Variants in RIMS1 observed in about 807,000 individuals in gnomAD.
RIMS1 encodes the protein regulating synaptic membrane exocytosis 1.
In RIMS1, 83 loss-of-function variants were observed where a neutral mutation model predicts 214.1. The observed-to-expected ratio is 0.39, with a 90% confidence interval of 0.32 to 0.47. RIMS1 has a LOEUF of 0.47. RIMS1 is among the 20% of genes least tolerant of loss of function. The pLI is 0.99. For synonymous variants in RIMS1, 793 were observed against 786.8 expected (o/e 1.01, Z -0.13); for missense variants, 2,050 against 2,161.8 (o/e 0.95, Z 1.03).
chr6:72,382,751 T>C (rs1210653881), intron 29 of RIMS1, among the ~76,000 whole-genome samples: 1 of 152,190 alleles, frequency 6.6e-6, no homozygotes, highest in East Asian at 1.9e-4. Context: ...ACCATACTCT[T>C]TCTCTTCAGG....
At position 72,162,077 on chromosome 6, in the gene RIMS1, T is replaced by G. The variant is rs1362269786; in HGVS notation, c.472-17498T>G. ...CTTATGAATCTGGGTGCTCCTGTAT[T>G]GGGTGCACATATATTTAGGATAGTT... is the stretch of plus-strand genomic sequence containing the variant. On this transcript the variant is annotated intron_variant, in intron 4 of 33. Transcript: ENST00000521978. Among the ~76,000 whole-genome samples, 2 of 140,850 alleles carry G rather than the reference T, an allele frequency of 1.4e-5. 1 individual carries two copies. The highest frequency in any genetic ancestry group is 1.4e-4 in the Admixed American group (2 of 13,820). 92.4% of individuals were successfully genotyped at this position (140,850 alleles called of 152,430 possible).
intron 24 of RIMS1, among the ~76,000 whole-genome samples, chr6:72,286,557 G>T (rs1020664503): frequency 2.0e-5 from 3 of 152,150 alleles, no homozygotes; most frequent in Non-Finnish European, 4.4e-5. Context: ...TATAATTAAA[G>T]CTTTTCATTG....
At chr6:72,195,773 A>G (rs1210710212) in intron 6 of RIMS1, among the ~76,000 whole-genome samples, 1 of 152,132 alleles carries the variant, frequency 6.6e-6, no homozygotes, top group Non-Finnish European at 1.5e-5. Context: ...TTACTGCTAT[A>G]AAGAACTGCC....
At chr6:72,233,232 G>C (rs1330412925) in intron 6 of RIMS1, among the ~76,000 whole-genome samples, 2 of 151,726 alleles carry the variant, frequency 1.3e-5, no homozygotes. Context: ...TCTGTCATTT[G>C]TAGCCAGTCT....
intron 28 of RIMS1, among the ~76,000 whole-genome samples, chr6:72,330,842 A>T (rs2096633174): frequency 6.6e-6 from 1 of 151,728 alleles, no homozygotes; most frequent in Non-Finnish European, 1.5e-5. Context: ...AAGAAATGAA[A>T]ATACCTTAAA....
intron 29 of RIMS1, among the ~76,000 whole-genome samples, chr6:72,355,545 G>T (rs1466704393): frequency 1.3e-5 from 2 of 151,818 alleles, no homozygotes; most frequent in East Asian, 3.9e-4. Flanking sequence ...TTCCTCTTTT[G>T]TATGCATAAA....
At chr6:72,044,245 A>T (rs1822319007) in intron 2 of RIMS1, among the ~76,000 whole-genome samples, 1 of 151,778 alleles carries the variant, frequency 6.6e-6, no homozygotes. Context: ...CTCAAAATGG[A>T]TTATAAACCT....
At chr6:71,908,069 T>C (rs1000215438) in intron 1 of RIMS1, among the ~76,000 whole-genome samples, 2 of 152,190 alleles carry the variant, frequency 1.3e-5, no homozygotes, top group African/African-American at 4.8e-5. Flanking sequence ...GTTTACCTTT[T>C]TGGATTCTTG....
At chr6:72,234,434 A>C (rs1161627198) in intron 7 of RIMS1, among the ~76,000 whole-genome samples, 1 of 151,972 alleles carries the variant, frequency 6.6e-6, no homozygotes, top group African/African-American at 2.4e-5. Context: ...TTACAGAAAA[A>C]TTGAGGAGAA....
At chr6:72,000,303 A>G (rs1359854242) in intron 2 of RIMS1, among the ~76,000 whole-genome samples, 4 of 152,180 alleles carry the variant, frequency 2.6e-5, no homozygotes, top group African/African-American at 9.6e-5. Context: ...TAGGTAATTT[A>G]TTTTTCATCA....
chr6:72,346,023 T>C (rs2097254734), intron 29 of RIMS1, among the ~76,000 whole-genome samples: 1 of 151,688 alleles, frequency 6.6e-6, no homozygotes, highest in Admixed American at 6.6e-5. Context: ...GTAAAGAGGA[T>C]CTAGAAGAGG....
chr6:72,096,928 A>G (rs1304402516), intron 2 of RIMS1, 21 bp from the exon 3 acceptor site: 7 of 1,594,338 alleles, frequency 4.4e-6, no homozygotes, highest in Non-Finnish European at 6.0e-6. Flanking sequence ...TTAGTTTGCT[A>G]CCATTTTCTC....
chr6:72,262,260 TCTTATA>T (rs1217284213), intron 19 of RIMS1: 5 of 822,276 alleles, frequency 6.1e-6, no homozygotes, highest in Non-Finnish European at 7.3e-6. Flanking sequence ...TTTTATATAA[TCTTATA>T]CTTAAGATTG....
rs528422268 is a variant in RIMS1 at position 71,961,090 on chromosome 6, C to G, written c.165-7893C>G. On this transcript the variant is annotated intron_variant, in intron 1 of 33. Coordinates refer to ENST00000521978, the MANE Select transcript of RIMS1 (RefSeq NM_014989.7). The stretch of plus-strand genomic sequence containing the variant: ...TACAGGTGGGAAAGAAGTATTGAGG[C>G]AAAGTTTCTGCCTCTAGGAACTGAG... 3.9e-5 allele frequency among the ~76,000 whole-genome samples: 6 copies of G among 152,136 alleles called. No homozygotes were observed. In the South Asian group the frequency reaches 1.2e-3, roughly 32 times the overall value.
In RIMS1 at chr6:72,093,228, A is replaced by ATATATATATAT. The variant is rs200655727; in HGVS notation, c.246-3721_246-3720insTATATATATAT. Among the ~76,000 whole-genome samples the ATATATATATAT allele has an allele frequency of 1.7e-3, 234 of 137,030 alleles. 6 individuals are homozygous for ATATATATATAT. The highest frequency in any genetic ancestry group is 4.4e-3 in the African/African-American group (176 of 39,692). The allele number at this position is 137,030 out of a possible 152,430, so 89.9% of individuals were successfully genotyped here. On this transcript the variant is annotated intron_variant, in intron 2 of 33. Coordinates refer to ENST00000521978, the MANE Select transcript of RIMS1 (RefSeq NM_014989.7). ...TATGTGAGTATATATATATATATAT[A>ATATATATATAT]AAAACATGTGTGTATATATGTATAT... is the stretch of plus-strand genomic sequence containing the variant.
rs191470814 is a variant in RIMS1 at position 72,164,468 on chromosome 6, G to A, written c.472-15107G>A. On this transcript the variant is annotated intron_variant, in intron 4 of 33. Transcript: ENST00000521978. The stretch of plus-strand genomic sequence containing the variant: ...TCAATTGGAAATGCAGAAATCACCC[G>A]TCTTCTGCATCGCTCACGCCTGGAG... Among the ~76,000 whole-genome samples, 1,088 of 152,228 alleles carry A rather than the reference G, an allele frequency of 7.1e-3. 10 individuals are homozygous for A. Among genetic ancestry groups the A allele is most frequent in the African/African-American group, 0.023 (969 of 41,522 alleles).
chr6:72,209,261 G>A (rs2154003425), intron 6 of RIMS1, among the ~76,000 whole-genome samples: 1 of 152,216 alleles, frequency 6.6e-6, no homozygotes, highest in South Asian at 2.1e-4. Context: ...AATTTTTCCA[G>A]TTAGGCATTT....
At chr6:72,069,317 G>A (rs1830058305) in intron 2 of RIMS1, among the ~76,000 whole-genome samples, 1 of 152,178 alleles carries the variant, frequency 6.6e-6, no homozygotes, top group East Asian at 1.9e-4. Flanking sequence ...GTGCAAAGGC[G>A]AAAGGTAGCT....
intron 2 of RIMS1, among the ~76,000 whole-genome samples, chr6:72,011,377 G>A (rs961853764): frequency 6.6e-6 from 1 of 151,980 alleles, no homozygotes; most frequent in African/African-American, 2.4e-5. Context: ...ATAAAAACTC[G>A]AGAAGAAAAC....
Sources: gnomAD v4.1 joint callset for allele counts (sites outside exome capture counted in the v4.1 genomes callset) on GRCh38, gnomAD v4.1.1 for gene constraint, MANE v1.5 for transcripts, NCBI Gene and HGNC (gene_info 2026-07-23, HGNC 2026-07-21) for gene names.